The following ATP6V1H variants were observed in gnomAD, a reference collection of about 807,000 sequenced individuals.
The protein encoded by ATP6V1H is ATPase H+ transporting V1 subunit H, also known as V-type proton ATPase subunit H.
A neutral mutation model predicts 71.7 loss-of-function variants in ATP6V1H; 39 were observed. That is an observed-to-expected ratio of 0.54 (90% CI 0.42 to 0.71). The LOEUF (loss-of-function observed/expected upper bound fraction) is 0.71, where lower values mean the gene tolerates loss of function less well. Ranked by LOEUF, ATP6V1H falls within the 30% of genes least tolerant of loss-of-function variation. The pLI, the probability that ATP6V1H is intolerant of heterozygous loss-of-function variation, is 0.00. For synonymous variants in ATP6V1H, 192 were observed against 199.3 expected (o/e 0.96, Z 0.31); for missense variants, 509 against 594.9 (o/e 0.86, Z 1.50).
intron 11 of ATP6V1H, among the ~76,000 whole-genome samples, chr8:53,768,367 C>T (rs1023210142): frequency 3.3e-5 from 5 of 152,166 alleles, no homozygotes; most frequent in African/African-American, 1.2e-4. Flanking sequence ...CTTTGGAAAA[C>T]AGTCTGGCAG....
intron 9 of ATP6V1H, among the ~76,000 whole-genome samples, chr8:53,793,475 C>T (rs755858428): frequency 7.2e-5 from 11 of 151,970 alleles, no homozygotes; most frequent in Non-Finnish European, 1.3e-4. Context: ...CCTGTCTCTA[C>T]AAAAGATTTT....
intron 12 of ATP6V1H, among the ~76,000 whole-genome samples, chr8:53,750,701 C>G (rs1201564769): frequency 1.3e-5 from 2 of 152,008 alleles, no homozygotes. Context: ...CTGCAAGAGA[C>G]AACATTCTGA....
At chr8:53,759,571 G>A (rs72655181) in intron 11 of ATP6V1H, among the ~76,000 whole-genome samples, 3,660 of 152,284 alleles carry the variant, frequency 0.024, 74 homozygotes, top group Non-Finnish European at 0.036. Flanking sequence ...ATTCTGCCTC[G>A]ACATTAGCTA....
intron 4 of ATP6V1H, among the ~76,000 whole-genome samples, chr8:53,828,639 G>C (rs1325511048): frequency 2.6e-5 from 4 of 152,076 alleles, no homozygotes; most frequent in Non-Finnish European, 5.9e-5. Flanking sequence ...AAAATCACTA[G>C]ATTCCTATAA....
intron 3 of ATP6V1H, chr8:53,832,212 A>G (rs933462143): frequency 6.6e-6 from 1 of 152,224 alleles, no homozygotes; most frequent in African/African-American, 2.4e-5. Flanking sequence ...AAATAAGTGT[A>G]TAAGTTATTT....
At chr8:53,812,172 G>A (rs1486146197) in intron 6 of ATP6V1H, among the ~76,000 whole-genome samples, 1 of 152,122 alleles carries the variant, frequency 6.6e-6, no homozygotes, top group Admixed American at 6.5e-5. Context: ...ACAGTGCAAT[G>A]AGAGCCAAGC....
chr8:53,773,295 T>C (rs1421912881), intron 9 of ATP6V1H, among the ~76,000 whole-genome samples: 1 of 152,218 alleles, frequency 6.6e-6, no homozygotes. Flanking sequence ...TATAAATTAA[T>C]TTGCTTTTAA....
chr8:53,809,564 C>A (rs1465931368), intron 7 of ATP6V1H, among the ~76,000 whole-genome samples: 1 of 152,180 alleles, frequency 6.6e-6, no homozygotes, highest in African/African-American at 2.4e-5. Context: ...AGGTAAATCA[C>A]TTAGACCAAC....
intron 7 of ATP6V1H, among the ~76,000 whole-genome samples, chr8:53,807,679 GGGTT>G (rs1156972523): frequency 6.6e-6 from 1 of 152,186 alleles, no homozygotes; most frequent in Non-Finnish European, 1.5e-5. Context: ...AATGTGTACA[GGGTT>G]GGTTGGTTTG....
Position 53,794,731 on chromosome 8 carries a change from T to A in ATP6V1H, c.870+916A>T, listed in dbSNP as rs115520025. Among the ~76,000 whole-genome samples, 313 of 152,326 alleles carry A rather than the reference T, an allele frequency of 2.1e-3. 2 individuals are homozygous for A. Among genetic ancestry groups the A allele is most frequent in the African/African-American group, 6.8e-3 (282 of 41,574 alleles). On this transcript the variant is annotated intron_variant, in intron 9 of 13. Coordinates refer to ENST00000359530, the MANE Select transcript of ATP6V1H (RefSeq NM_015941.4). ...GAACAAAAATGGTTAAAAGCACAGA[T>A]TCTACAGCCAACATTCTGGATTTGC...
At chr8:53,729,448 G>A (rs1009785750) in intron 13 of ATP6V1H, among the ~76,000 whole-genome samples, 3 of 152,092 alleles carry the variant, frequency 2.0e-5, no homozygotes, top group Non-Finnish European at 4.4e-5. Flanking sequence ...GTCCCCCAAC[G>A]TGCAAGAAAG....
chr8:53,793,111 A>T (rs146542218), intron 9 of ATP6V1H, among the ~76,000 whole-genome samples: 4 of 152,354 alleles, frequency 2.6e-5, no homozygotes, highest in African/African-American at 9.6e-5. Flanking sequence ...GACAACTGCT[A>T]TGAATAAGCA....
At chr8:53,834,374 AT>A (rs1166694591) in intron 2 of ATP6V1H, among the ~76,000 whole-genome samples, 3 of 152,216 alleles carry the variant, frequency 2.0e-5, no homozygotes, top group Non-Finnish European at 4.4e-5. Flanking sequence ...AAAATTAAAA[AT>A]TTTTGTAATC....
At chr8:53,841,800 G>T in intron 1 of ATP6V1H, 75 bp from the exon 2 acceptor site, 1 of 1,337,388 alleles carries the variant, frequency 7.5e-7, no homozygotes, top group Non-Finnish European at 1.0e-6. Flanking sequence ...TTATGATTAT[G>T]AATATCGTGA....
intron 12 of ATP6V1H, among the ~76,000 whole-genome samples, chr8:53,750,877 T>C (rs1480725433): frequency 9.8e-5 from 15 of 152,306 alleles, no homozygotes; most frequent in Middle Eastern, 3.4e-3. Flanking sequence ...TACTTGACAA[T>C]TGAACAATCT....
intron 9 of ATP6V1H, among the ~76,000 whole-genome samples, chr8:53,790,564 C>T (rs1448498583): frequency 2.0e-5 from 3 of 152,212 alleles, no homozygotes; most frequent in Non-Finnish European, 2.9e-5. Flanking sequence ...ATTACTCTCA[C>T]AGGACACACG....
intron 12 of ATP6V1H, among the ~76,000 whole-genome samples, chr8:53,754,287 A>C (rs1807913707): frequency 6.6e-6 from 1 of 152,226 alleles, no homozygotes; most frequent in African/African-American, 2.4e-5. Context: ...CCTCATTTCT[A>C]CACCATCTTG....
intron 8 of ATP6V1H, among the ~76,000 whole-genome samples, chr8:53,800,696 G>A (rs1022938808): frequency 6.6e-6 from 1 of 152,204 alleles, no homozygotes; most frequent in Non-Finnish European, 1.5e-5. Context: ...TCAAGGACAT[G>A]TGATGATTTT....
intron 1 of ATP6V1H, chr8:53,842,354 C>T (rs1811370423): frequency 6.6e-6 from 1 of 152,192 alleles, no homozygotes; most frequent in African/African-American, 2.4e-5. Flanking sequence ...TCTGGCTGGA[C>T]GACAAGAACC....
Sources: gnomAD v4.1 joint callset for allele counts (sites outside exome capture counted in the v4.1 genomes callset) on GRCh38, gnomAD v4.1.1 for gene constraint, MANE v1.5 for transcripts, NCBI Gene and HGNC (gene_info 2026-07-23, HGNC 2026-07-21) for gene names.